The following TSEN2 variants were observed in gnomAD, a reference collection of about 807,000 sequenced individuals.
TSEN2 encodes the protein tRNA-splicing endonuclease subunit Sen2.
In TSEN2, 54 loss-of-function variants were observed where a neutral mutation model predicts 59.2. The ratio of observed to expected loss-of-function variants is 0.91; its 90% CI spans 0.73 to 1.14. The LOEUF (loss-of-function observed/expected upper bound fraction) is 1.14, where lower values mean the gene tolerates loss of function less well. TSEN2 is among the 50% of genes most tolerant of loss of function. The probability of loss-of-function intolerance (pLI) is 0.00; values close to 1 mark genes in which losing one functional copy is unlikely to be tolerated. For missense variants in TSEN2, 636 were observed against 576.2 expected (o/e 1.10, Z -1.06); for synonymous variants, 195 against 198.2 (o/e 0.98, Z 0.14).
At chr3:12,516,373 C>T (rs902344296) in intron 6 of TSEN2, among the ~76,000 whole-genome samples, 1 of 151,834 alleles carries the variant, frequency 6.6e-6, no homozygotes, top group Non-Finnish European at 1.5e-5. Context: ...TTGCAGTGAG[C>T]GGAGATGTGC....
intron 6 of TSEN2, among the ~76,000 whole-genome samples, chr3:12,511,930 C>A (rs533247300): frequency 6.6e-6 from 1 of 152,234 alleles, no homozygotes; most frequent in South Asian, 2.1e-4. Flanking sequence ...ATTTCATTAC[C>A]TAGAAATTTA....
rs1559372510 is a variant in TSEN2 at position 12,533,612 on chromosome 3, A to G, written c.*891A>G. 7.4e-6 allele frequency: 1 copy of G among 134,558 alleles called. No individual in the cohort carries two copies. Among genetic ancestry groups the G allele is most frequent in the East Asian group, 2.5e-4 (1 of 3,990 alleles). 8.3% of individuals were successfully genotyped at this position (134,558 alleles called of 1,614,324 possible). A position where few individuals can be genotyped will look rare whatever the true frequency, so the allele number is the denominator to read the frequency against. On this transcript the variant is annotated 3_prime_UTR_variant, in exon 12 of 12. Transcript: ENST00000284995. Reference sequence around the variant, plus strand: ...GAGGAAGAGGTTGCAGTGAGCGGAGATTGTGCCACTGCAATCCAGCCTGAG... The same window carrying G: ...GAGGAAGAGGTTGCAGTGAGCGGAGGTTGTGCCACTGCAATCCAGCCTGAG...
intron 8 of TSEN2, among the ~76,000 whole-genome samples, chr3:12,526,768 G>C (rs2057117453): frequency 6.6e-6 from 1 of 152,206 alleles, no homozygotes; most frequent in Non-Finnish European, 1.5e-5. Context: ...ACTTGACCTT[G>C]GGTCCATCTG....
At chr3:12,485,836 C>T (rs2052561342) in intron 1 of TSEN2, among the ~76,000 whole-genome samples, 1 of 152,192 alleles carries the variant, frequency 6.6e-6, no homozygotes, top group Non-Finnish European at 1.5e-5. Context: ...TCAGGCACCG[C>T]TCTTCTTTCA....
At chr3:12,522,506 G>C (rs2056730645) in intron 8 of TSEN2, among the ~76,000 whole-genome samples, 1 of 152,164 alleles carries the variant, frequency 6.6e-6, no homozygotes, top group East Asian at 1.9e-4. Context: ...TGCTAGTCTG[G>C]GATATGAGGA....
chr3:12,513,987 A>G (rs540006943), intron 6 of TSEN2, among the ~76,000 whole-genome samples: 1 of 152,320 alleles, frequency 6.6e-6, no homozygotes, highest in Admixed American at 6.5e-5. Flanking sequence ...TTGTCTTTCA[A>G]CACAAGCATT....
rs181659458 is a variant in TSEN2, at chr3:12,532,946, A to G, written c.*225A>G. ...ACTTGCGTTGGCCTCTAACTCTCCA[A>G]TCCAGAGCCTCCTGCCTCTGGCGTC... is the stretch of plus-strand genomic sequence containing the variant. On this transcript the variant is annotated 3_prime_UTR_variant, in exon 12 of 12. Transcript: ENST00000284995. 6.4e-4 allele frequency: 369 copies of G among 577,812 alleles called. No individual in the cohort carries two copies. Among genetic ancestry groups the G allele is most frequent in the African/African-American group, 5.9e-3 (315 of 53,318 alleles). The allele number at this position is 577,812 out of a possible 1,614,324, so 35.8% of individuals were successfully genotyped here. A position where few individuals can be genotyped will look rare whatever the true frequency, so the allele number is the denominator to read the frequency against.
At position 12,539,206 on chromosome 3, in the gene TSEN2, TCA is replaced by T. The variant is rs2057754317; in HGVS notation, c.1308_1309del (p.Leu437AlafsTer8). 4.7e-6 allele frequency: 2 copies of T among 421,290 alleles called. No homozygotes were observed. Among genetic ancestry groups the T allele is most frequent in the Non-Finnish European group, 9.2e-6 (2 of 216,840 alleles). The allele number at this position is 421,290 out of a possible 1,614,324, so 26.1% of individuals were successfully genotyped here. A position where few individuals can be genotyped will look rare whatever the true frequency, so the allele number is the denominator to read the frequency against. ...TGGAGTCCAATGCTGCGATCTTGGA[TCA>T]CTGCAACCTCTGCCTGCTGGGTTTA... On this transcript the variant is annotated frameshift_variant, in exon 11 of 11. Coordinates refer to the TSEN2 transcript ENST00000412698. LOFTEE classifies it high-confidence loss of function.
At chr3:12,525,443 C>G (rs1398237211) in intron 8 of TSEN2, among the ~76,000 whole-genome samples, 1 of 152,172 alleles carries the variant, frequency 6.6e-6, no homozygotes, top group African/African-American at 2.4e-5. Context: ...TTAATTATTG[C>G]ACTAATCATT....
intron 2 of TSEN2, among the ~76,000 whole-genome samples, chr3:12,491,130 A>G (rs989980194): frequency 7.2e-5 from 11 of 152,108 alleles, no homozygotes; most frequent in African/African-American, 2.7e-4. Flanking sequence ...AGTTGGGACT[A>G]CAGGCGCATG....
At chr3:12,491,969 TACTG>T (rs2053260827) in intron 2 of TSEN2, among the ~76,000 whole-genome samples, 163 bp from the exon 3 acceptor site, 1 of 152,210 alleles carries the variant, frequency 6.6e-6, no homozygotes, top group East Asian at 1.9e-4. Flanking sequence ...TATATATAAA[TACTG>T]CACCATTTTA....
chr3:12,518,458 AC>A (rs1159494089), intron 7 of TSEN2, among the ~76,000 whole-genome samples: 1 of 151,380 alleles, frequency 6.6e-6, no homozygotes, highest in African/African-American at 2.4e-5. Context: ...GCCCACCACC[AC>A]CCCCTCCAGT....
At chr3:12,502,320 C>T (rs538877652) in intron 4 of TSEN2, among the ~76,000 whole-genome samples, 5 of 152,122 alleles carry the variant, frequency 3.3e-5, no homozygotes, top group Admixed American at 2.0e-4. Context: ...CCAAGGCGGT[C>T]GGATCTCTTG....
upstream of TSEN2, among the ~76,000 whole-genome samples, chr3:12,480,528 G>GTTTTTTTTTT (rs752340308): frequency 1.2e-3 from 113 of 91,748 alleles, 1 homozygote; most frequent in Non-Finnish European, 1.6e-3. Context: ...TTGTTTCTTT[G>GTTTTTTTTTT]TTTTTTTTTT....
chr3:12,516,446 ATGTGTGTGTGTGTGTGTGTGTGTGTG>A (rs68107346), intron 6 of TSEN2, among the ~76,000 whole-genome samples, 139 bp from the exon 7 acceptor site: 2 of 126,470 alleles, frequency 1.6e-5, no homozygotes, highest in South Asian at 2.3e-4. Flanking sequence ...AACAAAATAT[ATGTGTGTGTGTGTGTGTGTGTGTGTG>A]TGTGTGTGTG....
intron 10 of TSEN2, 48 bp downstream of exon 10, chr3:12,529,921 G>GTTTT: frequency 6.0e-6 from 9 of 1,507,342 alleles, no homozygotes; most frequent in South Asian, 2.5e-5. Context: ...AAATGGTTCA[G>GTTTT]TTTTTTTTTT....
chr3:12,534,920 G>A (rs140608453), downstream of TSEN2, among the ~76,000 whole-genome samples: 2,011 of 151,768 alleles, frequency 0.013, 23 homozygotes, highest in Middle Eastern at 0.024. Flanking sequence ...GCAGAGAGCC[G>A]AGATCAAGCC....
intron 8 of TSEN2, among the ~76,000 whole-genome samples, chr3:12,520,190 A>G (rs549821589): frequency 6.6e-6 from 1 of 152,198 alleles, no homozygotes; most frequent in African/African-American, 2.4e-5. Flanking sequence ...AGTACAGACA[A>G]GGTTTCCCCG....
At chr3:12,526,633 G>C (rs1355930725) in intron 8 of TSEN2, among the ~76,000 whole-genome samples, 8 of 152,204 alleles carry the variant, frequency 5.3e-5, no homozygotes, top group Non-Finnish European at 1.0e-4. Context: ...ATTGTTACTA[G>C]CATAGGTAAC....
Sources: gnomAD v4.1 joint callset for allele counts (sites outside exome capture counted in the v4.1 genomes callset) on GRCh38, gnomAD v4.1.1 for gene constraint, MANE v1.5 for transcripts, NCBI Gene and HGNC (gene_info 2026-07-23, HGNC 2026-07-21) for gene names.